Variants in AP2B1 observed in about 807,000 individuals in gnomAD.
The protein encoded by AP2B1 is AP-2 complex subunit beta.
In AP2B1, 23 loss-of-function variants were observed where a neutral mutation model predicts 102.0. That is an observed-to-expected ratio of 0.23 (90% CI 0.16 to 0.32). The LOEUF is 0.32. Ranked by LOEUF, AP2B1 falls within the 10% of genes least tolerant of loss-of-function variation. The pLI is 1.00. For synonymous variants in AP2B1, 381 were observed against 421.2 expected (o/e 0.90, Z 1.17); for missense variants, 541 against 1,157.4 (o/e 0.47, Z 7.73).
chr17:35,642,761 A>G (rs1307282354), intron 12 of AP2B1, among the ~76,000 whole-genome samples: 2 of 152,216 alleles, frequency 1.3e-5, no homozygotes, highest in Admixed American at 6.5e-5. Flanking sequence ...TGTAATCAAA[A>G]TTTAAAACCC....
intron 18 of AP2B1, among the ~76,000 whole-genome samples, chr17:35,691,089 T>C (rs2076031652): frequency 7.1e-6 from 1 of 140,772 alleles, no homozygotes; most frequent in African/African-American, 2.5e-5. Context: ...CAATGTCTCT[T>C]TTTTTTTTCT....
At chr17:35,602,389 A>C (rs185958310) in intron 3 of AP2B1, among the ~76,000 whole-genome samples, 441 of 152,368 alleles carry the variant, frequency 2.9e-3, no homozygotes, top group Middle Eastern at 6.8e-3. Flanking sequence ...AGATAGTGCA[A>C]AGAAATAAAA....
chr17:35,692,161 G>A lies in AP2B1; in HGVS notation c.2454+9337G>A, dbSNP rs587616595. 3.0e-4 allele frequency among the ~76,000 whole-genome samples: 45 copies of A among 152,268 alleles called. No individual in the cohort carries two copies. In the Middle Eastern group the frequency reaches 0.024, roughly 81 times the overall value. On this transcript the variant is annotated intron_variant, in intron 18 of 21. Coordinates refer to ENST00000610402, the MANE Select transcript of AP2B1 (RefSeq NM_001030006.2). ...ATTCTGATAAGCAAAGGTGTCTGAT[G>A]GATCAGAAATCTGTCCTCAAAGTCA...
intron 17 of AP2B1, among the ~76,000 whole-genome samples, chr17:35,678,383 T>C (rs1051187659): frequency 5.3e-5 from 8 of 152,206 alleles, no homozygotes; most frequent in African/African-American, 1.9e-4. Flanking sequence ...TTTTATTTTT[T>C]CTTCTTGTCT....
intron 3 of AP2B1, among the ~76,000 whole-genome samples, chr17:35,605,263 T>TC (rs2073634753): frequency 6.6e-6 from 1 of 151,530 alleles, no homozygotes; most frequent in Non-Finnish European, 1.5e-5. Flanking sequence ...CTTTTTTTTT[T>TC]AGACACAGGA....
chr17:35,678,059 C>G (rs918378604), intron 17 of AP2B1, among the ~76,000 whole-genome samples: 34 of 152,188 alleles, frequency 2.2e-4, no homozygotes, highest in African/African-American at 7.0e-4. Context: ...AGGGTTTCAC[C>G]ATGTTGGCCA....
intron 14 of AP2B1, among the ~76,000 whole-genome samples, chr17:35,661,997 ATTT>A (rs2075367956): frequency 6.6e-6 from 1 of 152,200 alleles, no homozygotes; most frequent in Non-Finnish European, 1.5e-5. Flanking sequence ...ATTTGTTGAT[ATTT>A]CTAGTCAGGA....
intron 17 of AP2B1, among the ~76,000 whole-genome samples, chr17:35,682,066 C>G (rs2075832714): frequency 6.6e-6 from 1 of 151,974 alleles, no homozygotes; most frequent in Admixed American, 6.6e-5. Context: ...ACCAGCCTGG[C>G]CAACACGGTG....
In AP2B1 at chr17:35,605,715, C is replaced by G; in HGVS notation, c.154C>G (p.Pro52Ala). ...ACCCTCTCTTCTCAGTTCTCTCTTT[C>G]CAGACGTAGTGAACTGTATGCAGAC... ...TVGKDVSSLFPDVVNCMQTDN... is the reference protein window; with the variant it reads ...TVGKDVSSLFADVVNCMQTDN... Residue 52 changes from proline to alanine, a missense_variant, in exon 4 of 22, where the codon CCA (proline) becomes GCA (alanine). This residue lies in a region of AP2B1 where 18 missense variants were observed against 23.8 expected (regional missense o/e 0.76). Coordinates refer to ENST00000610402, the MANE Select transcript of AP2B1 (RefSeq NM_001030006.2). The G allele has an allele frequency of 6.2e-7, 1 of 1,610,538 alleles. No homozygotes were observed. Among genetic ancestry groups the G allele is most frequent in the Non-Finnish European group, 8.5e-7 (1 of 1,178,508 alleles).
chr17:35,594,090 A>G (rs1261076016), intron 2 of AP2B1, 23 bp downstream of exon 2: 3 of 1,547,024 alleles, frequency 1.9e-6, no homozygotes, highest in Non-Finnish European at 2.6e-6. Context: ...ATACAATCAA[A>G]TCTTTTGAAA....
chr17:35,610,093 T>G (rs1055509469), intron 5 of AP2B1, among the ~76,000 whole-genome samples: 4 of 152,122 alleles, frequency 2.6e-5, no homozygotes, highest in Non-Finnish European at 1.5e-5. Flanking sequence ...TACTAGAAGA[T>G]TCAACCCTGC....
At chr17:35,701,838 G>T (rs945831408) in intron 18 of AP2B1, among the ~76,000 whole-genome samples, 43 of 152,100 alleles carry the variant, frequency 2.8e-4, no homozygotes, top group African/African-American at 1.0e-3. Context: ...AGCTTGTCTC[G>T]AACTCCTGGC....
At chr17:35,718,851 GC>G (rs2143012742) in intron 21 of AP2B1, among the ~76,000 whole-genome samples, 1 of 151,888 alleles carries the variant, frequency 6.6e-6, no homozygotes, top group East Asian at 1.9e-4. Context: ...GGTTAAAGGA[GC>G]ATGATTACTC....
intron 5 of AP2B1, among the ~76,000 whole-genome samples, chr17:35,617,063 T>C (rs905167791): frequency 9.2e-5 from 14 of 152,208 alleles, no homozygotes; most frequent in African/African-American, 3.4e-4. Context: ...ATATCCTTTT[T>C]TTTTTCTTAA....
chr17:35,660,607 CG>C (rs1424133106), intron 14 of AP2B1, among the ~76,000 whole-genome samples: 1 of 151,478 alleles, frequency 6.6e-6, no homozygotes, highest in African/African-American at 2.4e-5. Flanking sequence ...CTCAGTCTTC[CG>C]AGTAGCTGGG....
chr17:35,593,579 G>A (rs1349680397), intron 1 of AP2B1, among the ~76,000 whole-genome samples: 1 of 151,882 alleles, frequency 6.6e-6, no homozygotes, highest in Non-Finnish European at 1.5e-5. Flanking sequence ...GTCATAGATC[G>A]GCAAAATTGT....
chr17:35,597,469 A>G (rs12940370), intron 2 of AP2B1, among the ~76,000 whole-genome samples: 1,580 of 152,274 alleles, frequency 0.01, 26 homozygotes, highest in African/African-American at 0.036. Flanking sequence ...ACCTTTGGAA[A>G]TGACTCCATT....
At chr17:35,673,555 G>A (rs1427723578) in intron 16 of AP2B1, among the ~76,000 whole-genome samples, 1 of 152,024 alleles carries the variant, frequency 6.6e-6, no homozygotes, top group Non-Finnish European at 1.5e-5. Context: ...GGACCAAGGG[G>A]CGTGTTATGA....
chr17:35,616,438 G>A (rs747324995), intron 5 of AP2B1, among the ~76,000 whole-genome samples: 1 of 151,984 alleles, frequency 6.6e-6, no homozygotes, highest in Non-Finnish European at 1.5e-5. Context: ...AAAGTGCTGG[G>A]ATTACAGGCA....
Sources: gnomAD v4.1 joint callset for allele counts (sites outside exome capture counted in the v4.1 genomes callset) on GRCh38, gnomAD v4.1.1 for gene constraint, gnomAD v4.1.1 regional missense constraint, MANE v1.5 for transcripts, NCBI Gene and HGNC (gene_info 2026-07-23, HGNC 2026-07-21) for gene names.